ARHGAP6: variants seen among roughly 807,000 people sequenced by gnomAD.
ARHGAP6 encodes the protein rho GTPase-activating protein 6.
A neutral mutation model predicts 55.7 loss-of-function variants in ARHGAP6; 16 were observed. The ratio of observed to expected loss-of-function variants is 0.29; its 90% CI spans 0.19 to 0.44. The LOEUF (loss-of-function observed/expected upper bound fraction) is 0.44. Among genes scored for constraint, ARHGAP6 ranks in the 20% least tolerant of loss-of-function variants. ARHGAP6 has a pLI of 1.00. For missense variants in ARHGAP6, 698 were observed against 808.9 expected (o/e 0.86, Z 1.66); for synonymous variants, 382 against 360.9 (o/e 1.06, Z -0.66).
intron 1 of ARHGAP6, among the ~76,000 whole-genome samples, chrX:11,301,241 G>T (rs2048171880): frequency 8.9e-6 from 1 of 112,008 alleles, no homozygotes; most frequent in Non-Finnish European, 1.9e-5. Flanking sequence ...TGAATTTAAA[G>T]TTATTCAAGT....
chrX:11,590,356 C>G (rs1198672208), intron 1 of ARHGAP6, among the ~76,000 whole-genome samples: 1 of 110,958 alleles, frequency 9.0e-6, no homozygotes, highest in Non-Finnish European at 1.9e-5. Flanking sequence ...ATGCAGTTGT[C>G]AAATCATGCC....
chrX:11,172,289 CTTTATGTAGGATCGTCCAATCA>C (rs1321307799), intron 8 of ARHGAP6, among the ~76,000 whole-genome samples: 1 of 111,764 alleles, frequency 8.9e-6, no homozygotes, highest in African/African-American at 3.3e-5. Flanking sequence ...AGAAAGTGCC[CTTTATGTAGGATCGTCCAATCA>C]TTTTTCTTTG....
intron 1 of ARHGAP6, among the ~76,000 whole-genome samples, chrX:11,437,804 C>T (rs1429770894): frequency 2.7e-5 from 3 of 112,384 alleles, no homozygotes; most frequent in East Asian, 5.6e-4. Context: ...GCTCCAGAAC[C>T]CCACAGAGTG....
chrX:11,348,898 C>T (rs1271976745), intron 1 of ARHGAP6, among the ~76,000 whole-genome samples: 2 of 111,438 alleles, frequency 1.8e-5, no homozygotes, highest in Admixed American at 9.5e-5. Context: ...ACTCTCCTGC[C>T]CCAGCCTCCC....
intron 1 of ARHGAP6, among the ~76,000 whole-genome samples, chrX:11,280,548 C>G (rs2047841518): frequency 9.1e-6 from 1 of 109,915 alleles, no homozygotes; most frequent in Non-Finnish European, 1.9e-5. Context: ...GGGGTGTATC[C>G]ACAATAGGTT....
Position 11,663,755 on chromosome X carries a change from C to T in ARHGAP6, c.588+486G>A, listed in dbSNP as rs959656895. Among the ~76,000 whole-genome samples, 4 of 111,792 alleles carry T rather than the reference C, an allele frequency of 3.6e-5. No homozygotes were observed. The East Asian group carries it at 8.4e-4, about 23-fold the overall frequency. On this transcript the variant is annotated intron_variant, in intron 1 of 12. Coordinates refer to ENST00000337414, the MANE Select transcript of ARHGAP6 (RefSeq NM_013427.3). ...GGTGAAAACTAGAGAATTCTTGTCCCCCCTGCCACCCAAACACACACACAC... is the reference window on the plus strand; with the variant it reads ...GGTGAAAACTAGAGAATTCTTGTCCTCCCTGCCACCCAAACACACACACAC...
intron 1 of ARHGAP6, among the ~76,000 whole-genome samples, chrX:11,662,010 G>C (rs1207236095): frequency 8.9e-6 from 1 of 112,171 alleles, no homozygotes; most frequent in Non-Finnish European, 1.9e-5. Context: ...AATGTCAATA[G>C]TGCCAAGGCT....
intron 1 of ARHGAP6, among the ~76,000 whole-genome samples, chrX:11,577,652 A>T (rs2051616134): frequency 8.9e-6 from 1 of 111,894 alleles, no homozygotes; most frequent in African/African-American, 3.3e-5. Context: ...TTCTAGGGTC[A>T]TCTAATCCAA....
At chrX:11,381,794 G>C (rs987204294) in intron 1 of ARHGAP6, among the ~76,000 whole-genome samples, 4 of 111,957 alleles carry the variant, frequency 3.6e-5, no homozygotes, top group Admixed American at 9.5e-5. Flanking sequence ...ACGAGAGAAG[G>C]CAGTACGAAC....
At chrX:11,557,814 T>C (rs959608082) in intron 1 of ARHGAP6, among the ~76,000 whole-genome samples, 1 of 112,243 alleles carries the variant, frequency 8.9e-6, no homozygotes, top group Non-Finnish European at 1.9e-5. Flanking sequence ...GTTTCTAACT[T>C]ACAACCTATT....
chrX:11,225,826 T>G, intron 2 of ARHGAP6: 1 of 285,817 alleles, frequency 3.5e-6, no homozygotes, highest in Non-Finnish European at 6.4e-6. Context: ...GAAGACAGTC[T>G]GCTTGTTTCT....
At chrX:11,555,841 C>T (rs1470245058) in intron 1 of ARHGAP6, among the ~76,000 whole-genome samples, 2 of 111,146 alleles carry the variant, frequency 1.8e-5, no homozygotes, top group African/African-American at 6.6e-5. Context: ...CACATGGGAA[C>T]GTGCATGTGT....
intron 1 of ARHGAP6, among the ~76,000 whole-genome samples, chrX:11,399,700 T>C (rs1056806124): frequency 1.6e-4 from 18 of 112,172 alleles, no homozygotes; most frequent in Non-Finnish European, 9.4e-5. Context: ...AGAGCTACTA[T>C]GTGACCCAGC....
intron 1 of ARHGAP6, among the ~76,000 whole-genome samples, chrX:11,615,952 T>C (rs979491912): frequency 3.6e-5 from 4 of 111,844 alleles, no homozygotes; most frequent in African/African-American, 9.8e-5. Context: ...CCTTCTGCTA[T>C]GGCTTGGATA....
chrX:11,620,159 A>G (rs1437978683), intron 1 of ARHGAP6, among the ~76,000 whole-genome samples: 1 of 112,341 alleles, frequency 8.9e-6, no homozygotes, highest in Non-Finnish European at 1.9e-5. Flanking sequence ...ACTACAAATA[A>G]AGCAGGTTTA....
intron 1 of ARHGAP6, among the ~76,000 whole-genome samples, chrX:11,600,521 C>T (rs764562325): frequency 1.8e-5 from 2 of 112,592 alleles, no homozygotes; most frequent in African/African-American, 6.4e-5. Flanking sequence ...ACCTGTAAAT[C>T]TCTGCCTGAG....
intron 1 of ARHGAP6, among the ~76,000 whole-genome samples, chrX:11,422,990 G>T (rs1429688661): frequency 2.7e-5 from 3 of 112,135 alleles, no homozygotes; most frequent in African/African-American, 9.7e-5. Context: ...GGTGGGAGTA[G>T]AAAAGGTATC....
At chrX:11,559,261 T>C (rs956751669) in intron 1 of ARHGAP6, among the ~76,000 whole-genome samples, 1 of 110,597 alleles carries the variant, frequency 9.0e-6, no homozygotes, top group Non-Finnish European at 1.9e-5. Context: ...CACTGCTTCT[T>C]CCACTACCTC....
chrX:11,662,728 G>A (rs2052715439), intron 1 of ARHGAP6, among the ~76,000 whole-genome samples: 1 of 112,608 alleles, frequency 8.9e-6, no homozygotes, highest in African/African-American at 3.2e-5. Context: ...GCTAAGAAAA[G>A]CAGAAATGTT....
Sources: allele counts gnomAD v4.1 joint callset (sites outside exome capture counted in the v4.1 genomes callset), GRCh38; gene constraint gnomAD v4.1.1; transcripts MANE v1.5; gene names NCBI Gene and HGNC (gene_info 2026-07-23, HGNC 2026-07-21).